OTUD7A: variants seen among roughly 807,000 people sequenced by gnomAD.
OTUD7A encodes the protein OTU domain-containing protein 7A.
A neutral mutation model predicts 65.7 loss-of-function variants in OTUD7A; 12 were observed. The observed-to-expected ratio is 0.18, with a 90% CI of 0.12 to 0.30. OTUD7A has a LOEUF of 0.30. Ranked by LOEUF, OTUD7A falls within the 10% of genes least tolerant of loss-of-function variation. The probability of loss-of-function intolerance (pLI) is 1.00; values close to 1 mark genes in which losing one functional copy is unlikely to be tolerated. For missense variants in OTUD7A, 1,148 were observed against 1,304.8 expected (o/e 0.88, Z 1.85); for synonymous variants, 641 against 586.3 (o/e 1.09, Z -1.35).
At chr15:31,613,697 G>A (rs1240360044) in intron 3 of OTUD7A, among the ~76,000 whole-genome samples, 1 of 152,024 alleles carries the variant, frequency 6.6e-6, no homozygotes, top group African/African-American at 2.4e-5. Flanking sequence ...TACTGCTGGT[G>A]GGAATGTAAA....
intron 1 of OTUD7A, among the ~76,000 whole-genome samples, chr15:31,778,738 T>C (rs1385747465): frequency 6.6e-6 from 1 of 151,488 alleles, no homozygotes; most frequent in East Asian, 1.9e-4. Flanking sequence ...TGTCTCTCTC[T>C]CTCACACACA....
intron 6 of OTUD7A, among the ~76,000 whole-genome samples, chr15:31,529,018 A>G (rs557248923): frequency 7.9e-5 from 12 of 152,280 alleles, no homozygotes; most frequent in Admixed American, 5.2e-4. Flanking sequence ...AGCCTGAGGG[A>G]GGCTCTCTCT....
In OTUD7A at chr15:31,487,283, C is replaced by A. The variant is rs761380885; in HGVS notation, c.1287-5G>T. The A allele has an allele frequency of 5.0e-6, 8 of 1,613,812 alleles. No homozygotes were observed. The highest frequency in any genetic ancestry group is 6.8e-6 in the Non-Finnish European group (8 of 1,179,792). ...GCTTCTAGCGACAGGATAAGGCTGG[C>A]AAGAGAAGAATATCCTATTGAAATG... On this transcript the variant is annotated splice_polypyrimidine_tract_variant and splice_region_variant and intron_variant, in intron 11 of 12. Transcript: ENST00000307050. The surrounding 1 kb of genome is among the most constrained non-coding windows in gnomAD (Gnocchi z 6.0).
intron 1 of OTUD7A, among the ~76,000 whole-genome samples, chr15:31,863,676 T>C (rs2141019723): frequency 6.6e-6 from 1 of 152,286 alleles, no homozygotes; most frequent in Middle Eastern, 3.4e-3. Flanking sequence ...AACCACTTTT[T>C]CCTCCTGGGC....
At chr15:31,740,746 T>C (rs1214221020) in intron 1 of OTUD7A, among the ~76,000 whole-genome samples, 1 of 152,154 alleles carries the variant, frequency 6.6e-6, no homozygotes, top group Non-Finnish European at 1.5e-5. Flanking sequence ...CAGTTCAAAG[T>C]AATAAATTGG....
chr15:31,682,967 A>T (rs1215877449), intron 1 of OTUD7A, among the ~76,000 whole-genome samples: 3 of 152,258 alleles, frequency 2.0e-5, no homozygotes, highest in Admixed American at 6.5e-5. Context: ...AGGGTGTCTA[A>T]GGGACATTTG....
intron 1 of OTUD7A, among the ~76,000 whole-genome samples, chr15:31,735,224 A>G (rs1894154158): frequency 6.6e-6 from 1 of 152,190 alleles, no homozygotes; most frequent in African/African-American, 2.4e-5. Flanking sequence ...AATGGCTTTT[A>G]TTAAAAAGTC....
At chr15:31,646,609 C>T (rs1203428017) in intron 3 of OTUD7A, among the ~76,000 whole-genome samples, 3 of 151,840 alleles carry the variant, frequency 2.0e-5, no homozygotes, top group South Asian at 2.1e-4. Context: ...TACAGGTATG[C>T]ACCACCACGC....
intron 1 of OTUD7A, among the ~76,000 whole-genome samples, chr15:31,753,705 T>TA (rs1894715612): frequency 1.3e-5 from 1 of 78,434 alleles, no homozygotes; most frequent in Non-Finnish European, 2.2e-5. Context: ...ATATATATTA[T>TA]ATATATATAT....
chr15:31,576,843 A>G (rs1595623385), intron 3 of OTUD7A, among the ~76,000 whole-genome samples: 1 of 152,332 alleles, frequency 6.6e-6, no homozygotes, highest in Non-Finnish European at 1.5e-5. Flanking sequence ...TAACCAAATG[A>G]ACCCTCTCTG....
rs943402767 is a variant in OTUD7A at position 31,529,260 on chromosome 15, T to A, written c.652+1447A>T. 3.9e-5 allele frequency among the ~76,000 whole-genome samples: 6 copies of A among 152,356 alleles called. No homozygotes were observed. In the South Asian group the frequency reaches 1.2e-3, roughly 32 times the overall value. On this transcript the variant is annotated intron_variant, in intron 6 of 12. Coordinates refer to ENST00000307050, the MANE Select transcript of OTUD7A (RefSeq NM_001382637.1). Reference sequence around the variant, plus strand: ...TTAGAAAGAACAAGGCAAAATATGCTCAATAACAGGGGAATAGTTAATGTT... The same window carrying A: ...TTAGAAAGAACAAGGCAAAATATGCACAATAACAGGGGAATAGTTAATGTT...
chr15:31,695,893 T>C (rs1438893385), intron 1 of OTUD7A, among the ~76,000 whole-genome samples: 2 of 150,912 alleles, frequency 1.3e-5, no homozygotes, highest in African/African-American at 4.8e-5. Flanking sequence ...GCCTATTCTG[T>C]GCCAGGCCTT....
At chr15:31,611,235 A>G (rs972371221) in intron 3 of OTUD7A, among the ~76,000 whole-genome samples, 4 of 152,212 alleles carry the variant, frequency 2.6e-5, no homozygotes, top group Non-Finnish European at 5.9e-5. Context: ...CTCAGGTCAC[A>G]CCTCAAGGAA....
intron 1 of OTUD7A, among the ~76,000 whole-genome samples, chr15:31,848,682 G>A (rs530098828): frequency 2.0e-5 from 3 of 152,172 alleles, no homozygotes; most frequent in East Asian, 1.9e-4. Flanking sequence ...TTTTAATCTC[G>A]TTGATAGCAA....
At chr15:31,612,930 C>T (rs1037647306) in intron 3 of OTUD7A, among the ~76,000 whole-genome samples, 13 of 152,170 alleles carry the variant, frequency 8.5e-5, no homozygotes, top group African/African-American at 3.1e-4. Flanking sequence ...CAGCATGGTA[C>T]TGGTACAAAA....
chr15:31,526,490 G>C, intron 7 of OTUD7A, 29 bp from the exon 8 acceptor site: 1 of 1,520,606 alleles, frequency 6.6e-7, no homozygotes. Context: ...CTCAGAAGGG[G>C]GGTGGGCCAC....
At chr15:31,625,819 C>T (rs575917771) in intron 3 of OTUD7A, among the ~76,000 whole-genome samples, 1 of 152,216 alleles carries the variant, frequency 6.6e-6, no homozygotes, top group East Asian at 1.9e-4. Context: ...CAATGAAACA[C>T]TACTTAGCAC....
In OTUD7A at chr15:31,669,286, G is replaced by GTA. The variant is rs1285066205; in HGVS notation, c.-99-12210_-99-12209insTA. ...GCCCATCAGGTGGGGGCAGGGTTGG[G>GTA]TGTCGTAGTTCAGACTGTCCTTCGG... On this transcript the variant is annotated intron_variant, in intron 1 of 12. Transcript: ENST00000307050. Among the ~76,000 whole-genome samples, 306 of 152,270 alleles carry GTA rather than the reference G, an allele frequency of 2.0e-3. 1 individual carries two copies. The highest frequency in any genetic ancestry group is 6.1e-3 in the African/African-American group (253 of 41,534).
chr15:31,653,875 G>C (rs1413789189), intron 3 of OTUD7A, among the ~76,000 whole-genome samples: 1 of 150,418 alleles, frequency 6.6e-6, no homozygotes, highest in Non-Finnish European at 1.5e-5. Flanking sequence ...CCACAAGCAT[G>C]GTCTTCTATA....
Sources: gnomAD v4.1 joint callset for allele counts (sites outside exome capture counted in the v4.1 genomes callset) on GRCh38, gnomAD v4.1.1 for gene constraint, Gnocchi (gnomAD v3.1) non-coding constraint, MANE v1.5 for transcripts, NCBI Gene and HGNC (gene_info 2026-07-23, HGNC 2026-07-21) for gene names.